VPS13B: variants seen among roughly 807,000 people sequenced by gnomAD.
The protein encoded by VPS13B is vacuolar protein sorting 13 homolog B.
A neutral mutation model predicts 426.4 loss-of-function variants in VPS13B; 285 were observed. That is an observed-to-expected ratio of 0.67 (90% CI 0.61 to 0.74). VPS13B has a LOEUF of 0.74. Among genes scored for constraint, VPS13B ranks in the 30% least tolerant of loss-of-function variants. VPS13B has a pLI of 0.00. For missense variants in VPS13B, 4,537 were observed against 4,782.6 expected, an observed-to-expected ratio of 0.95 and a Z score of 1.51; for synonymous variants, 1,676 against 1,676.4, an observed-to-expected ratio of 1.00 and a Z score of 0.01.
chr8:99,622,686 T>A lies in VPS13B; in HGVS notation c.5221-19125T>A, dbSNP rs183968740. Among the ~76,000 whole-genome samples, 21 of 152,346 alleles carry A rather than the reference T, an allele frequency of 1.4e-4. 1 individual carries two copies. The highest frequency in any genetic ancestry group is 1.1e-3 in the Admixed American group (17 of 15,298). ...GTTAGCATGTTCAGAATGGAACTCCTGATTTTTCCCTTTCTCCAATCCTAC... is the reference window on the plus strand; with the variant it reads ...GTTAGCATGTTCAGAATGGAACTCCAGATTTTTCCCTTTCTCCAATCCTAC... On this transcript the variant is annotated intron_variant, in intron 33 of 61. Coordinates refer to ENST00000357162, the MANE Select transcript of VPS13B (RefSeq NM_152564.5).
chr8:99,325,441 T>C lies in VPS13B; in HGVS notation c.2824+50187T>C, dbSNP rs556571223. 2.6e-5 allele frequency among the ~76,000 whole-genome samples: 4 copies of C among 152,344 alleles called. No homozygotes were observed. In the South Asian group the frequency reaches 8.3e-4, roughly 32 times the overall value. ...ATGTTTCATCCTTTGCAACTGCTCATATACTGTCTAACTTAGTGAAACAAA... is the reference window on the plus strand; with the variant it reads ...ATGTTTCATCCTTTGCAACTGCTCACATACTGTCTAACTTAGTGAAACAAA... On this transcript the variant is annotated intron_variant, in intron 19 of 61. Coordinates refer to ENST00000357162, the MANE Select transcript of VPS13B (RefSeq NM_152564.5).
rs4358778 is a variant in VPS13B, at chr8:99,606,581, G to A, written c.5220+28948G>A. ...CTTTGTTTGCTTCAGGAGGGCCATA[G>A]GGGAGAATCCATTTCCTTGCCTTTT... On this transcript the variant is annotated intron_variant, in intron 33 of 61. Coordinates refer to ENST00000357162, the MANE Select transcript of VPS13B (RefSeq NM_152564.5). 4.2e-3 allele frequency among the ~76,000 whole-genome samples: 632 copies of A among 150,342 alleles called. 2 individuals are homozygous for A. Among genetic ancestry groups the A allele is most frequent in the Non-Finnish European group, 6.3e-3 (423 of 67,622 alleles).
chr8:99,084,637 G>T (rs1737320697), intron 3 of VPS13B, among the ~76,000 whole-genome samples: 1 of 152,182 alleles, frequency 6.6e-6, no homozygotes, highest in Non-Finnish European at 1.5e-5. Context: ...GTGTCCCAGA[G>T]ATTCTGGTAT....
At chr8:99,102,922 G>T in intron 4 of VPS13B, 31 bp from the exon 5 acceptor site, 1 of 1,540,816 alleles carries the variant, frequency 6.5e-7, no homozygotes. Context: ...GAGATTTGTG[G>T]CTAATTAAAT....
rs1158822062 is a variant in VPS13B at position 99,135,123 on chromosome 8, A to C, written c.1411A>C (p.Asn471His). ...TGTTAAAGATTTTGAAGAGAATATG[A>C]ATAGAAGTGAAACTGTAAGTCCGTT... ...MGVKDFEENM[N>H]RSETEACFFI... Residue 471 changes from asparagine (N) to histidine (H), a missense_variant, in exon 10 of 62, where the codon AAT becomes CAT. Physicochemically the swap from Asn to His is moderately conservative, Grantham distance 68. Around this residue, in one of 2 missense-constraint regions of VPS13B, gnomAD observed 4,311 missense variants for 4,474.3 expected, o/e 0.96. Coordinates refer to ENST00000357162, the MANE Select transcript of VPS13B (RefSeq NM_152564.5). 1 of 1,613,426 alleles carries C rather than the reference A, an allele frequency of 6.2e-7. No individual in the cohort carries two copies. Among genetic ancestry groups the C allele is most frequent in the Admixed American group, 1.7e-5 (1 of 59,994 alleles).
intron 33 of VPS13B, among the ~76,000 whole-genome samples, chr8:99,623,059 G>A (rs1828437268): frequency 6.6e-6 from 1 of 152,286 alleles, no homozygotes; most frequent in African/African-American, 2.4e-5. Context: ...TCTTCAAGGA[G>A]TCCTGCTTCT....
At chr8:99,171,081 A>T (rs1812302602) in intron 16 of VPS13B, among the ~76,000 whole-genome samples, 1 of 151,866 alleles carries the variant, frequency 6.6e-6, no homozygotes, top group Admixed American at 6.6e-5. Flanking sequence ...GCCTGCTGAT[A>T]CAGAAAATTT....
At chr8:99,743,050 G>A (rs1285864647) in intron 39 of VPS13B, among the ~76,000 whole-genome samples, 9 of 152,088 alleles carry the variant, frequency 5.9e-5, no homozygotes, top group Non-Finnish European at 7.4e-5. Context: ...CTGTTTGCAG[G>A]CGACATGATT....
intron 25 of VPS13B, among the ~76,000 whole-genome samples, chr8:99,482,193 AT>A (rs1820073239): frequency 6.6e-6 from 1 of 152,012 alleles, no homozygotes; most frequent in Admixed American, 6.6e-5. Context: ...CCTGGTTTAG[AT>A]TAGTGGTTTT....
intron 33 of VPS13B, among the ~76,000 whole-genome samples, chr8:99,585,156 T>G (rs962567268): frequency 6.6e-6 from 1 of 152,124 alleles, no homozygotes; most frequent in African/African-American, 2.4e-5. Flanking sequence ...AGCATTAGGA[T>G]TTTTTGGTAG....
chr8:99,677,614 C>T (rs1467873483), intron 35 of VPS13B, among the ~76,000 whole-genome samples: 1 of 152,114 alleles, frequency 6.6e-6, no homozygotes, highest in Non-Finnish European at 1.5e-5. Flanking sequence ...GGGTTTACAC[C>T]TCTGAACTAC....
intron 54 of VPS13B, among the ~76,000 whole-genome samples, chr8:99,844,655 C>G (rs1815886631): frequency 1.3e-5 from 2 of 152,138 alleles, no homozygotes; most frequent in Admixed American, 1.3e-4. Flanking sequence ...CAGGCGTGAG[C>G]TACCGCCCCC....
intron 16 of VPS13B, among the ~76,000 whole-genome samples, chr8:99,179,261 C>T (rs936427992): frequency 1.3e-5 from 2 of 152,158 alleles, no homozygotes; most frequent in East Asian, 1.9e-4. Flanking sequence ...ACTCATACAT[C>T]TGCAGCCAAG....
intron 35 of VPS13B, among the ~76,000 whole-genome samples, chr8:99,664,198 G>A (rs1457360363): frequency 6.6e-6 from 1 of 151,680 alleles, no homozygotes; most frequent in Admixed American, 6.6e-5. Context: ...GTAGAGGTTG[G>A]GTTTCAACAT....
At chr8:99,241,056 A>G (rs1313998795) in intron 17 of VPS13B, 4 of 152,228 alleles carry the variant, frequency 2.6e-5, no homozygotes, top group Admixed American at 2.6e-4. Context: ...TTTGAAGTCC[A>G]TATGTGTGTG....
intron 33 of VPS13B, 99 bp downstream of exon 33, chr8:99,577,732 T>G: frequency 7.0e-7 from 1 of 1,421,820 alleles, no homozygotes; most frequent in Non-Finnish European, 9.8e-7. Flanking sequence ...TCTGCTTAAT[T>G]ATTCTGTGTT....
chr8:99,220,595 CAA>C (rs1815654427), intron 17 of VPS13B, among the ~76,000 whole-genome samples: 1 of 151,852 alleles, frequency 6.6e-6, no homozygotes, highest in African/African-American at 2.4e-5. Context: ...AAATTAGAAA[CAA>C]AGATTTGATT....
At chr8:99,640,025 T>TAAGAAGAAGAAGAAGAAGAAGAAG (rs1200705406) in intron 33 of VPS13B, among the ~76,000 whole-genome samples, 3 of 104,332 alleles carry the variant, frequency 2.9e-5, no homozygotes, top group African/African-American at 1.1e-4. Context: ...ATAATAATAA[T>TAAGAAGAAGAAGAAGAAGAAGAAG]AAGAAGAAGA....
intron 40 of VPS13B, among the ~76,000 whole-genome samples, chr8:99,774,828 C>T (rs933672890): frequency 2.0e-5 from 3 of 152,192 alleles, no homozygotes; most frequent in East Asian, 1.9e-4. Context: ...ACTTGGATTA[C>T]TGTGCCCATT....
Sources: allele counts gnomAD v4.1 joint callset (sites outside exome capture counted in the v4.1 genomes callset), GRCh38; gene constraint gnomAD v4.1.1; regional missense constraint gnomAD v4.1.1; transcripts MANE v1.5; gene names NCBI Gene and HGNC (gene_info 2026-07-23, HGNC 2026-07-21).